NRG3: variants seen among roughly 807,000 people sequenced by gnomAD.
NRG3 encodes the protein pro-neuregulin-3, membrane-bound isoform.
NRG3 carries 31 observed loss-of-function variants against 66.9 expected under a neutral mutation model. The ratio of observed to expected loss-of-function variants is 0.46; its 90% confidence interval spans 0.35 to 0.63. The LOEUF is 0.63. Among genes scored for constraint, NRG3 ranks in the 20% least tolerant of loss-of-function variants. NRG3 has a pLI of 0.00. For synonymous variants in NRG3, 393 were observed against 359.4 expected (o/e 1.09, Z -1.06); for missense variants, 910 against 878.9 (o/e 1.04, Z -0.45).
chr10:82,377,910 G>A (rs1428093851), intron 2 of NRG3, among the ~76,000 whole-genome samples: 1 of 152,182 alleles, frequency 6.6e-6, no homozygotes, highest in African/African-American at 2.4e-5. Context: ...TGTGGCAAAT[G>A]CTACAGTAAA....
At chr10:81,941,856 T>C (rs1349636347) in intron 1 of NRG3, among the ~76,000 whole-genome samples, 1 of 152,104 alleles carries the variant, frequency 6.6e-6, no homozygotes, top group African/African-American at 2.4e-5. Flanking sequence ...GAGTTAGACA[T>C]TGATTTTTAC....
chr10:82,645,903 G>C (rs899417086), intron 2 of NRG3, among the ~76,000 whole-genome samples: 1 of 151,874 alleles, frequency 6.6e-6, no homozygotes, highest in Non-Finnish European at 1.5e-5. Flanking sequence ...ATAGTGCCTG[G>C]AGATAAAAGC....
chr10:82,075,034 T>G (rs578203253), intron 1 of NRG3, among the ~76,000 whole-genome samples: 12 of 152,306 alleles, frequency 7.9e-5, no homozygotes, highest in African/African-American at 2.6e-4. Context: ...TTGATCATTA[T>G]CTGTTGAATC....
At chr10:82,238,266 T>C (rs1043361518) in intron 1 of NRG3, among the ~76,000 whole-genome samples, 5 of 151,890 alleles carry the variant, frequency 3.3e-5, no homozygotes, top group Admixed American at 1.3e-4. Flanking sequence ...TAAGCATCAA[T>C]AAGTATAGCA....
At chr10:81,949,707 T>C (rs1004740277) in intron 1 of NRG3, among the ~76,000 whole-genome samples, 1 of 152,196 alleles carries the variant, frequency 6.6e-6, no homozygotes, top group East Asian at 1.9e-4. Context: ...CCTTGAGAAA[T>C]TGGTATTTAT....
In NRG3 at chr10:82,470,091, T is replaced by C. The variant is rs1180468222; in HGVS notation, c.953+111223T>C. ...GTGGGAGCCCTCCCTCTGGCCTCTT[T>C]ATAACCTGTTTCTGAGATGCAGAGC... On this transcript the variant is annotated intron_variant, in intron 2 of 8. Transcript: ENST00000372141. Among the ~76,000 whole-genome samples the C allele has an allele frequency of 2.0e-5, 3 of 152,196 alleles. No homozygotes were observed. In the East Asian group the frequency reaches 5.8e-4, roughly 29 times the overall value.
intron 2 of NRG3, among the ~76,000 whole-genome samples, chr10:82,446,497 G>T (rs563711894): frequency 6.6e-6 from 1 of 152,262 alleles, no homozygotes; most frequent in Admixed American, 6.5e-5. Flanking sequence ...GAGAGGGATA[G>T]AGCTGGAAGC....
At chr10:82,107,103 A>G (rs2067114410) in intron 1 of NRG3, among the ~76,000 whole-genome samples, 1 of 152,194 alleles carries the variant, frequency 6.6e-6, no homozygotes, top group African/African-American at 2.4e-5. Flanking sequence ...TGGGACCAGA[A>G]GTGTTTCAGA....
In NRG3 at chr10:82,165,208, A is replaced by G. The variant is rs149739933; in HGVS notation, c.824-193531A>G. On this transcript the variant is annotated intron_variant, in intron 1 of 8. Transcript: ENST00000372141. ...GTAGCTTTTCAATAAATCTTGACAAATATTCAGTTTTTTTTCTAGAACAAA... is the reference window on the plus strand; with the variant it reads ...GTAGCTTTTCAATAAATCTTGACAAGTATTCAGTTTTTTTTCTAGAACAAA... 1.4e-3 allele frequency among the ~76,000 whole-genome samples: 216 copies of G among 152,204 alleles called. 1 individual carries two copies. The highest frequency in any genetic ancestry group is 4.9e-3 in the African/African-American group (203 of 41,554).
chr10:82,239,196 A>G (rs1001495812), intron 1 of NRG3, among the ~76,000 whole-genome samples: 1 of 152,028 alleles, frequency 6.6e-6, no homozygotes, highest in Admixed American at 6.6e-5. Flanking sequence ...TTTAACTTCT[A>G]TGTGTGTATA....
intron 6 of NRG3, among the ~76,000 whole-genome samples, chr10:82,971,080 G>C (rs959419689): frequency 5.3e-5 from 8 of 152,044 alleles, no homozygotes; most frequent in African/African-American, 1.9e-4. Context: ...AAAAGAGAAA[G>C]GCGAAGGGTG....
At chr10:82,648,871 T>G (rs2051177671) in intron 2 of NRG3, among the ~76,000 whole-genome samples, 2 of 152,204 alleles carry the variant, frequency 1.3e-5, no homozygotes, top group African/African-American at 4.8e-5. Flanking sequence ...CCTGAGACTT[T>G]GCTGAAGTTG....
At chr10:82,395,456 T>C (rs1341859290) in intron 2 of NRG3, among the ~76,000 whole-genome samples, 1 of 152,188 alleles carries the variant, frequency 6.6e-6, no homozygotes, top group East Asian at 1.9e-4. Flanking sequence ...TAGTAGACTG[T>C]CCATATGTCA....
intron 1 of NRG3, among the ~76,000 whole-genome samples, chr10:82,264,662 T>C (rs1038540370): frequency 1.3e-5 from 2 of 152,164 alleles, no homozygotes; most frequent in African/African-American, 4.8e-5. Context: ...TTTAACAATG[T>C]TGCCAATGAA....
chr10:81,926,879 G>A (rs1846848094), intron 1 of NRG3, among the ~76,000 whole-genome samples: 1 of 152,108 alleles, frequency 6.6e-6, no homozygotes, highest in Non-Finnish European at 1.5e-5. Flanking sequence ...CTCAGTAAAA[G>A]TATATAAATG....
chr10:82,727,452 A>G lies in NRG3; in HGVS notation c.954-11125A>G, dbSNP rs1591328666. Among the ~76,000 whole-genome samples, 5 of 152,228 alleles carry G rather than the reference A, an allele frequency of 3.3e-5. No individual in the cohort carries two copies. The South Asian group carries it at 1.0e-3, about 32-fold the overall frequency. The stretch of plus-strand genomic sequence containing the variant: ...AAGGGGCCAAGGTACAGCTCAGGCC[A>G]TGGCTTCAGAGGGTGCAAGCACCAA... On this transcript the variant is annotated intron_variant, in intron 2 of 8. Coordinates refer to ENST00000372141, the MANE Select transcript of NRG3 (RefSeq NM_001010848.4).
At chr10:82,688,606 C>A (rs1049947366) in intron 2 of NRG3, among the ~76,000 whole-genome samples, 1 of 152,054 alleles carries the variant, frequency 6.6e-6, no homozygotes, top group African/African-American at 2.4e-5. Flanking sequence ...CTGAACACTT[C>A]CAATTAATGA....
intron 2 of NRG3, among the ~76,000 whole-genome samples, chr10:82,608,795 T>G (rs1041484762): frequency 6.6e-6 from 1 of 152,104 alleles, no homozygotes. Flanking sequence ...AACAGAAAGC[T>G]CTGTGTATTT....
chr10:82,645,628 A>G (rs2050877044), intron 2 of NRG3, among the ~76,000 whole-genome samples: 1 of 152,168 alleles, frequency 6.6e-6, no homozygotes, highest in Non-Finnish European at 1.5e-5. Flanking sequence ...GCCCAAATCC[A>G]TGGCAAAATA....
Sources: allele counts gnomAD v4.1 joint callset (sites outside exome capture counted in the v4.1 genomes callset), GRCh38; gene constraint gnomAD v4.1.1; transcripts MANE v1.5; gene names NCBI Gene and HGNC (gene_info 2026-07-23, HGNC 2026-07-21).